Variants in RBFOX1 observed in about 807,000 individuals in gnomAD.
RBFOX1 encodes the protein RNA binding fox-1 homolog 1, also known as RNA binding protein fox-1 homolog 1.
Under a neutral mutation model 57.7 loss-of-function variants are expected in RBFOX1, and 8 were observed. The observed-to-expected ratio is 0.14, with a 90% CI of 0.08 to 0.25. The LOEUF (loss-of-function observed/expected upper bound fraction) is 0.25. RBFOX1 is among the 10% of genes least tolerant of loss of function. RBFOX1 has a pLI of 1.00. For synonymous variants in RBFOX1, 326 were observed against 222.4 expected (o/e 1.47, Z -4.15); for missense variants, 611 against 548.5 (o/e 1.11, Z -1.14).
intron 9 of RBFOX1, among the ~76,000 whole-genome samples, chr16:7,598,027 A>T (rs987365254): frequency 3.9e-5 from 6 of 152,278 alleles, no homozygotes; most frequent in Admixed American, 3.9e-4. Flanking sequence ...TTCTGTTTTT[A>T]TCAATAAAAC....
chr16:5,711,883 G>A (rs2051500334), intron 3 of RBFOX1, among the ~76,000 whole-genome samples: 1 of 152,188 alleles, frequency 6.6e-6, no homozygotes, highest in Non-Finnish European at 1.5e-5. Context: ...TTTATTGAGT[G>A]CTTATTTAGG....
intron 4 of RBFOX1, among the ~76,000 whole-genome samples, chr16:7,089,413 AAAGT>A (rs1291595100): frequency 6.7e-6 from 1 of 148,218 alleles, no homozygotes; most frequent in African/African-American, 2.6e-5. Context: ...GCATTAAAAA[AAAGT>A]AGTCACGTGG....
intron 1 of RBFOX1, among the ~76,000 whole-genome samples, chr16:5,312,554 A>T (rs2064120613): frequency 6.6e-6 from 1 of 152,106 alleles, no homozygotes. Context: ...TGACCTCATG[A>T]TCCACCTGCC....
chr16:5,638,792 A>C (rs1312262875), intron 3 of RBFOX1, among the ~76,000 whole-genome samples: 1 of 152,156 alleles, frequency 6.6e-6, no homozygotes, highest in African/African-American at 2.4e-5. Flanking sequence ...GGAAGGGAAA[A>C]GAGCAGCCTT....
chr16:7,350,665 G>T (rs975203565), intron 4 of RBFOX1, among the ~76,000 whole-genome samples: 1 of 152,142 alleles, frequency 6.6e-6, no homozygotes, highest in Non-Finnish European at 1.5e-5. Context: ...TGTTATCCAC[G>T]ATTGGCTAGT....
At chr16:5,353,847 A>T (rs2065321166) in intron 1 of RBFOX1, among the ~76,000 whole-genome samples, 1 of 151,946 alleles carries the variant, frequency 6.6e-6, no homozygotes, top group African/African-American at 2.4e-5. Context: ...AGATGCTGGG[A>T]TACAGAGATC....
intron 3 of RBFOX1, among the ~76,000 whole-genome samples, chr16:5,776,307 C>T (rs892461728): frequency 7.9e-5 from 12 of 152,206 alleles, no homozygotes; most frequent in Non-Finnish European, 1.5e-4. Flanking sequence ...AATATTTTCT[C>T]ACAGGCCACG....
intron 3 of RBFOX1, among the ~76,000 whole-genome samples, chr16:5,788,843 A>C (rs907264329): frequency 3.6e-4 from 55 of 152,040 alleles, no homozygotes; most frequent in African/African-American, 1.2e-3. Flanking sequence ...TAAGTTAAAA[A>C]TCTAAGAGGC....
Position 7,502,471 on chromosome 16 carries a change from C to G in RBFOX1, c.28-15676C>G, listed in dbSNP as rs368932610. Among the ~76,000 whole-genome samples, 12 of 152,280 alleles carry G rather than the reference C, an allele frequency of 7.9e-5. No individual in the cohort carries two copies. In the East Asian group the frequency reaches 1.9e-3, roughly 25 times the overall value. On this transcript the variant is annotated intron_variant, in intron 4 of 15. Transcript: ENST00000550418. ...GCTAAGTTTTCACCATATCATGCCT[C>G]CACAAAGCCATTGGGTTGTTTAGAC...
rs2063071576 is a variant in RBFOX1 at position 5,273,673 on chromosome 16, G to A, written c.219+33568G>A. ...AGGTTTTTGTGAGTTCGCATGCATA[G>A]TGAAGACCTGTTATAGTGAGGGTCC... On this transcript the variant is annotated intron_variant, in intron 1 of 2. Coordinates refer to the RBFOX1 transcript ENST00000585867. Among the ~76,000 whole-genome samples the A allele has an allele frequency of 2.0e-5, 3 of 152,280 alleles. No individual in the cohort carries two copies. The South Asian group carries it at 6.2e-4, about 32-fold the overall frequency.
chr16:6,773,163 G>T (rs1383103604), intron 3 of RBFOX1, among the ~76,000 whole-genome samples: 1 of 79,508 alleles, frequency 1.3e-5, no homozygotes. Flanking sequence ...ATGGGTGTGG[G>T]GTGCATTTGT....
chr16:7,302,053 C>T (rs920919402), intron 4 of RBFOX1, among the ~76,000 whole-genome samples: 1 of 152,124 alleles, frequency 6.6e-6, no homozygotes, highest in African/African-American at 2.4e-5. Context: ...ACTGCCAGCA[C>T]CCCCCAATAA....
intron 3 of RBFOX1, among the ~76,000 whole-genome samples, chr16:6,822,309 C>T (rs953005097): frequency 6.6e-6 from 1 of 152,156 alleles, no homozygotes; most frequent in Admixed American, 6.5e-5. Flanking sequence ...CTTTGTTGGA[C>T]ATGCACATTC....
At chr16:7,390,566 C>T (rs1482707027) in intron 4 of RBFOX1, among the ~76,000 whole-genome samples, 3 of 152,164 alleles carry the variant, frequency 2.0e-5, no homozygotes, top group South Asian at 2.1e-4. Flanking sequence ...CTTTGCACAT[C>T]GCAGAGATTA....
chr16:7,289,424 C>T (rs1047550149), intron 4 of RBFOX1, among the ~76,000 whole-genome samples: 3 of 152,132 alleles, frequency 2.0e-5, no homozygotes, highest in Admixed American at 2.0e-4. Flanking sequence ...ATCATCATCA[C>T]CATCACCATC....
At chr16:5,910,913 G>T (rs1215169036) in intron 4 of RBFOX1, among the ~76,000 whole-genome samples, 1 of 152,154 alleles carries the variant, frequency 6.6e-6, no homozygotes, top group Non-Finnish European at 1.5e-5. Context: ...TCCTCTGGAT[G>T]GGATAACTCT....
intron 5 of RBFOX1, among the ~76,000 whole-genome samples, chr16:7,565,720 G>A (rs1464910070): frequency 3.3e-5 from 5 of 152,174 alleles, no homozygotes; most frequent in Admixed American, 3.3e-4. Context: ...TTTTCTCTCT[G>A]AGAAATAACT....
chr16:7,288,447 C>A (rs2095693715), intron 4 of RBFOX1, among the ~76,000 whole-genome samples: 1 of 152,340 alleles, frequency 6.6e-6, no homozygotes, highest in African/African-American at 2.4e-5. Flanking sequence ...GGAGTCACAT[C>A]ACCTTGCTTA....
intron 1 of RBFOX1, among the ~76,000 whole-genome samples, chr16:6,130,317 A>G (rs1316167041): frequency 1.3e-5 from 2 of 152,164 alleles, no homozygotes; most frequent in African/African-American, 4.8e-5. Flanking sequence ...CAGAAGCCAC[A>G]TAATATGAAC....
Sources: gnomAD v4.1 joint callset for allele counts (sites outside exome capture counted in the v4.1 genomes callset) on GRCh38, gnomAD v4.1.1 for gene constraint, MANE v1.5 for transcripts, NCBI Gene and HGNC (gene_info 2026-07-23, HGNC 2026-07-21) for gene names.